The following DRD3 variants were observed in gnomAD, a reference collection of about 807,000 sequenced individuals.
DRD3 encodes the protein dopamine receptor D3, also known as D(3) dopamine receptor.
In DRD3, 19 loss-of-function variants were observed where a neutral mutation model predicts 36.3. The observed-to-expected ratio is 0.52, with a 90% CI of 0.36 to 0.77. The LOEUF is 0.77. Among genes scored for constraint, DRD3 ranks in the 30% least tolerant of loss-of-function variants. DRD3 has a pLI of 0.00. For synonymous variants in DRD3, 195 were observed against 203.7 expected (o/e 0.96, Z 0.36); for missense variants, 465 against 505.3 (o/e 0.92, Z 0.77).
At chr3:114,176,739 A>G (rs909328969) in intron 1 of DRD3, among the ~76,000 whole-genome samples, 2 of 152,182 alleles carry the variant, frequency 1.3e-5, no homozygotes, top group Non-Finnish European at 2.9e-5. Flanking sequence ...CTGTTGCTAC[A>G]TCTAATCTTT....
intron 3 of DRD3, among the ~76,000 whole-genome samples, chr3:114,150,085 C>T (rs549501133): frequency 6.6e-6 from 1 of 152,330 alleles, no homozygotes; most frequent in Non-Finnish European, 1.5e-5. Flanking sequence ...TTGATGGCTC[C>T]TCTTTCACCT....
At chr3:114,146,787 T>C (rs1157741003) in intron 4 of DRD3, among the ~76,000 whole-genome samples, 1 of 151,940 alleles carries the variant, frequency 6.6e-6, no homozygotes, top group Non-Finnish European at 1.5e-5. Context: ...CACTGATTCA[T>C]CTGAGGTATT....
At chr3:114,139,842 G>C in intron 4 of DRD3, 146 bp from the exon 5 acceptor site, 1 of 668,514 alleles carries the variant, frequency 1.5e-6, no homozygotes, top group South Asian at 2.3e-5. Flanking sequence ...TACGTATACT[G>C]TCAGGTCCTT....
At chr3:114,154,469 T>A (rs1382636219) in intron 3 of DRD3, among the ~76,000 whole-genome samples, 1 of 151,932 alleles carries the variant, frequency 6.6e-6, no homozygotes, top group Non-Finnish European at 1.5e-5. Flanking sequence ...AGCCCCAGAG[T>A]TCTGTGAGGG....
intron 3 of DRD3, among the ~76,000 whole-genome samples, chr3:114,155,162 A>G (rs961075089): frequency 6.6e-6 from 1 of 152,228 alleles, no homozygotes; most frequent in Non-Finnish European, 1.5e-5. Context: ...GCATTGTGTG[A>G]AGACCAAAGG....
intron 1 of DRD3, among the ~76,000 whole-genome samples, chr3:114,185,921 A>G (rs2077972891): frequency 6.6e-6 from 1 of 152,184 alleles, no homozygotes; most frequent in Non-Finnish European, 1.5e-5. Flanking sequence ...TGAAAAACAG[A>G]CATTTGAAGT....
At chr3:114,177,441 A>T (rs1186505870) in intron 1 of DRD3, among the ~76,000 whole-genome samples, 1 of 152,188 alleles carries the variant, frequency 6.6e-6, no homozygotes, top group East Asian at 1.9e-4. Context: ...AAAGCAGAGC[A>T]TACTCACTTT....
At chr3:114,158,756 T>A (rs991856960) in intron 3 of DRD3, among the ~76,000 whole-genome samples, 1 of 152,246 alleles carries the variant, frequency 6.6e-6, no homozygotes, top group Non-Finnish European at 1.5e-5. Context: ...CACAATGTGA[T>A]AAATTCTCAA....
chr3:114,156,491 C>T (rs2077668937), intron 3 of DRD3, among the ~76,000 whole-genome samples: 1 of 151,870 alleles, frequency 6.6e-6, no homozygotes, highest in South Asian at 2.1e-4. Flanking sequence ...AAAATTTCCC[C>T]TACTTTTCCT....
chr3:114,164,445 C>G (rs942617994), intron 2 of DRD3, among the ~76,000 whole-genome samples: 13 of 151,914 alleles, frequency 8.6e-5, no homozygotes, highest in African/African-American at 3.1e-4. Flanking sequence ...CTGAAATTGT[C>G]TATTGATTTT....
chr3:114,146,404 C>T (rs1028896976), intron 4 of DRD3, among the ~76,000 whole-genome samples: 3 of 152,104 alleles, frequency 2.0e-5, no homozygotes, highest in Admixed American at 6.5e-5. Context: ...TGGTTTAATA[C>T]CTTTCATTCG....
chr3:114,140,140 A>C (rs1195951362), intron 4 of DRD3, among the ~76,000 whole-genome samples: 1 of 152,240 alleles, frequency 6.6e-6, no homozygotes, highest in Non-Finnish European at 1.5e-5. Flanking sequence ...GTGCGGAGGC[A>C]TTGGAGAATT....
intron 4 of DRD3, among the ~76,000 whole-genome samples, chr3:114,145,414 TAAC>T (rs1186468130): frequency 6.6e-6 from 1 of 152,180 alleles, no homozygotes; most frequent in African/African-American, 2.4e-5. Flanking sequence ...TCAGTTAAAA[TAAC>T]AAAGTAATGA....
chr3:114,160,109 C>G (rs907756436), intron 2 of DRD3, among the ~76,000 whole-genome samples: 1 of 152,190 alleles, frequency 6.6e-6, no homozygotes, highest in Non-Finnish European at 1.5e-5. Flanking sequence ...TCTTCCAAGT[C>G]AGTTAGTCCA....
At chr3:114,189,282 A>G (rs1336004839) in intron 1 of DRD3, among the ~76,000 whole-genome samples, 3 of 152,236 alleles carry the variant, frequency 2.0e-5, no homozygotes. Flanking sequence ...CAAGAGTAAG[A>G]TTATTACCAA....
chr3:114,159,751 C>T lies in DRD3; in HGVS notation c.383+4G>A. On this transcript the variant is annotated splice_donor_region_variant and intron_variant, in intron 3 of 6. Transcript: ENST00000383673. ...GCCACCTGGAAGGGGAATTGCAGCCCTACCTGTCTATGCTGATGGCACAGA... is the reference window on the plus strand; with the variant it reads ...GCCACCTGGAAGGGGAATTGCAGCCTTACCTGTCTATGCTGATGGCACAGA... 1 of 1,613,490 alleles carries T rather than the reference C, an allele frequency of 6.2e-7. No individual in the cohort carries two copies. The highest frequency in any genetic ancestry group is 2.2e-5 in the East Asian group (1 of 44,872).
intron 1 of DRD3, among the ~76,000 whole-genome samples, chr3:114,198,238 T>C (rs74396725): frequency 6.6e-6 from 1 of 150,412 alleles, no homozygotes; most frequent in Admixed American, 6.7e-5. Context: ...TTTTTTTTTT[T>C]CCTTTTTTGG....
intron 3 of DRD3, 131 bp downstream of exon 3, chr3:114,159,624 A>G: frequency 1.4e-6 from 1 of 698,230 alleles, no homozygotes; most frequent in South Asian, 1.8e-5. Flanking sequence ...CTTTAAAAGA[A>G]AAAGAGAGGA....
At chr3:114,146,337 C>G (rs2077569269) in intron 4 of DRD3, among the ~76,000 whole-genome samples, 1 of 152,300 alleles carries the variant, frequency 6.6e-6, no homozygotes, top group East Asian at 1.9e-4. Context: ...GAACACTAAT[C>G]AAGCAGCTTT....
Sources: gnomAD v4.1 joint callset for allele counts (sites outside exome capture counted in the v4.1 genomes callset) on GRCh38, gnomAD v4.1.1 for gene constraint, MANE v1.5 for transcripts, NCBI Gene and HGNC (gene_info 2026-07-23, HGNC 2026-07-21) for gene names.